The following KIAA1671 variants were observed in gnomAD, a reference collection of about 807,000 sequenced individuals.
KIAA1671 encodes uncharacterized protein KIAA1671.
In KIAA1671, 52 loss-of-function variants were observed where a neutral mutation model predicts 131.2. The observed-to-expected ratio is 0.40, with a 90% CI of 0.32 to 0.50. The LOEUF is 0.50. Among genes scored for constraint, KIAA1671 ranks in the 20% least tolerant of loss-of-function variants. The pLI is 0.73. For synonymous variants in KIAA1671, 1,003 were observed against 961.6 expected, an observed-to-expected ratio of 1.04 and a Z score of -0.80; for missense variants, 2,360 against 2,364.2, an observed-to-expected ratio of 1.00 and a Z score of 0.04.
chr22:24,960,479 G>A (rs1395737827), intron 1 of KIAA1671, among the ~76,000 whole-genome samples: 2 of 149,754 alleles, frequency 1.3e-5, no homozygotes, highest in Non-Finnish European at 3.0e-5. Flanking sequence ...CCAGGGAGGC[G>A]AGTGTTGCAG....
chr22:25,081,013 G>A (rs1929374078), intron 6 of KIAA1671, among the ~76,000 whole-genome samples: 1 of 152,250 alleles, frequency 6.6e-6, no homozygotes, highest in East Asian at 1.9e-4. Flanking sequence ...ATTGCTGGGT[G>A]TCAGACATTC....
chr22:25,128,372 C>T (rs763971619), intron 6 of KIAA1671, among the ~76,000 whole-genome samples: 27 of 152,334 alleles, frequency 1.8e-4, no homozygotes, highest in Non-Finnish European at 1.3e-4. Context: ...ATGCCAAGCT[C>T]CTAGCTGGCT....
At chr22:25,027,290 A>G (rs1319250311) in intron 2 of KIAA1671, among the ~76,000 whole-genome samples, 1 of 152,184 alleles carries the variant, frequency 6.6e-6, no homozygotes, top group Non-Finnish European at 1.5e-5. Flanking sequence ...GTTGGTGCCT[A>G]GGGCATGGGT....
intron 1 of KIAA1671, among the ~76,000 whole-genome samples, chr22:24,994,697 TC>T (rs1416674633): frequency 6.6e-6 from 1 of 152,290 alleles, no homozygotes; most frequent in East Asian, 1.9e-4. Context: ...GCTTCCCTGT[TC>T]CTGCTTCTGC....
intron 1 of KIAA1671, among the ~76,000 whole-genome samples, chr22:24,979,966 C>CTT (rs1007783470): frequency 1.2e-4 from 18 of 145,094 alleles, no homozygotes; most frequent in Admixed American, 1.4e-4. Context: ...ATTCCCTTCT[C>CTT]TTTTTTTTTT....
chr22:25,025,359 G>A (rs1230733641), intron 1 of KIAA1671, among the ~76,000 whole-genome samples: 4 of 152,114 alleles, frequency 2.6e-5, no homozygotes. Flanking sequence ...CATGGTTGCA[G>A]GGGATGTTTC....
intron 1 of KIAA1671, among the ~76,000 whole-genome samples, chr22:24,963,797 G>A (rs12158389): frequency 0.046 from 7,037 of 151,786 alleles, 560 homozygotes; most frequent in African/African-American, 0.16. Flanking sequence ...AAAATTAGCC[G>A]GGCGTGGTGG....
Position 25,029,203 on chromosome 22 carries a change from T to TC in KIAA1671, c.1209dup (p.Ser404LeufsTer12). 6.9e-7 allele frequency: 1 copy of TC among 1,456,912 alleles called. No homozygotes were observed. The highest frequency in any genetic ancestry group is 9.1e-7 in the Non-Finnish European group (1 of 1,101,560). The allele number at this position is 1,456,912 out of a possible 1,614,324, so 90.2% of individuals were successfully genotyped here. On this transcript the variant is annotated frameshift_variant, in exon 3 of 13. Transcript: ENST00000358431. LOFTEE classifies it high-confidence loss of function. ...CCCAGAGCCAGAGAAGGCTGCTGAG[T>TC]CCCCCTCACCCAGGCTGGGAAGGGG...
Position 25,040,667 on chromosome 22 carries a change from T to G in KIAA1671, c.3537T>G (p.Thr1179=). The G allele has an allele frequency of 1.9e-6, 3 of 1,552,140 alleles. No individual in the cohort carries two copies. The highest frequency in any genetic ancestry group is 2.6e-6 in the Non-Finnish European group (3 of 1,147,078). The part of the protein sequence containing the change: ...RPKDLPVRRK[T]DVISDTFPGK... Reference sequence around the variant, plus strand: ...AAGATCTTCCTGTGAGAAGGAAGACTGATGTGATCAGTGACACGTTCCCAG... The same window carrying G: ...AAGATCTTCCTGTGAGAAGGAAGACGGATGTGATCAGTGACACGTTCCCAG... Residue 1179 remains threonine, a synonymous_variant, in exon 5 of 13, where the codon ACT becomes ACG. Coordinates refer to ENST00000358431, the MANE Select transcript of KIAA1671 (RefSeq NM_001145206.2).
chr22:25,053,371 A>T (rs1927648010), intron 6 of KIAA1671: 1 of 152,218 alleles, frequency 6.6e-6, no homozygotes, highest in Non-Finnish European at 1.5e-5. Flanking sequence ...CACAGGGACC[A>T]TAAAACACAG....
chr22:25,071,261 A>G (rs899240563), intron 6 of KIAA1671, among the ~76,000 whole-genome samples: 8 of 152,166 alleles, frequency 5.3e-5, no homozygotes, highest in African/African-American at 1.9e-4. Flanking sequence ...GTCTTAGGAA[A>G]TATTATCTTT....
intron 11 of KIAA1671, among the ~76,000 whole-genome samples, chr22:25,190,086 G>T (rs1408462357): frequency 1.3e-5 from 2 of 152,092 alleles, no homozygotes; most frequent in African/African-American, 4.8e-5. Context: ...CATTCATTGT[G>T]TACTTTATTT....
Position 24,979,354 on chromosome 22 carries a change from A to ATTTT in KIAA1671, c.-208+26585_-208+26586insTTTT, listed in dbSNP as rs577953925. On this transcript the variant is annotated intron_variant, in intron 1 of 12. Coordinates refer to ENST00000358431, the MANE Select transcript of KIAA1671 (RefSeq NM_001145206.2). ...ATTTATTTTATTTATTTATTTATTT[A>ATTTT]TTTATTTTTTTTTGAGACGGAGTCT... Among the ~76,000 whole-genome samples, 1,154 of 117,776 alleles carry ATTTT rather than the reference A, an allele frequency of 9.8e-3. 19 individuals are homozygous for ATTTT. The highest frequency in any genetic ancestry group is 0.068 in the East Asian group (270 of 3,968). 77.3% of individuals were successfully genotyped at this position (117,776 alleles called of 152,430 possible). A position where few individuals can be genotyped will look rare whatever the true frequency, so the allele number is the denominator to read the frequency against.
At chr22:25,016,809 C>T (rs1293073006) in intron 1 of KIAA1671, among the ~76,000 whole-genome samples, 2 of 152,106 alleles carry the variant, frequency 1.3e-5, no homozygotes, top group Non-Finnish European at 1.5e-5. Context: ...ATTGGGGCTT[C>T]ACCTGGGAGG....
intron 6 of KIAA1671, among the ~76,000 whole-genome samples, chr22:25,117,867 G>T (rs1168718455): frequency 6.6e-6 from 1 of 151,996 alleles, no homozygotes; most frequent in Admixed American, 6.6e-5. Flanking sequence ...TCGGCCGGGT[G>T]TGGTGACTCA....
At chr22:25,134,376 ATGTG>A (rs149493847) in intron 6 of KIAA1671, among the ~76,000 whole-genome samples, 1 of 150,426 alleles carries the variant, frequency 6.6e-6, no homozygotes, top group Non-Finnish European at 1.5e-5. Flanking sequence ...TGGTATTGGT[ATGTG>A]TGTGTGTGTG....
intron 1 of KIAA1671, among the ~76,000 whole-genome samples, chr22:25,021,626 G>T (rs1416717944): frequency 1.3e-5 from 2 of 151,992 alleles, no homozygotes; most frequent in East Asian, 3.9e-4. Flanking sequence ...AGGAAGGAAG[G>T]AGCTAGGGCC....
intron 6 of KIAA1671, among the ~76,000 whole-genome samples, chr22:25,129,960 A>G (rs938979826): frequency 6.6e-6 from 1 of 152,180 alleles, no homozygotes; most frequent in South Asian, 2.1e-4. Context: ...TTATTAACAG[A>G]CAGGGTGCAG....
chr22:25,170,986 T>A, intron 7 of KIAA1671, 48 bp downstream of exon 7: 2 of 1,474,318 alleles, frequency 1.4e-6, no homozygotes, highest in Non-Finnish European at 1.9e-6. Context: ...GCAGCTGGGC[T>A]GGAGTTGCTG....
Sources: gnomAD v4.1 joint callset for allele counts (sites outside exome capture counted in the v4.1 genomes callset) on GRCh38, gnomAD v4.1.1 for gene constraint, MANE v1.5 for transcripts, NCBI Gene and HGNC (gene_info 2026-07-23, HGNC 2026-07-21) for gene names.